The following FAM20C variants were observed in gnomAD, a reference collection of about 807,000 sequenced individuals.
FAM20C encodes extracellular serine/threonine protein kinase FAM20C.
A neutral mutation model predicts 51.5 loss-of-function variants in FAM20C; 40 were observed. The observed-to-expected ratio is 0.78, with a 90% CI of 0.60 to 1.01. The LOEUF (loss-of-function observed/expected upper bound fraction) is 1.01. Ranked by LOEUF, FAM20C falls within the 50% of genes least tolerant of loss-of-function variation. The pLI is 0.00. For synonymous variants in FAM20C, 406 were observed against 380.6 expected, an observed-to-expected ratio of 1.07 and a Z score of -0.78; for missense variants, 861 against 844.7, an observed-to-expected ratio of 1.02 and a Z score of -0.24.
chr7:214,964 T>G (rs28397017), intron 3 of FAM20C, among the ~76,000 whole-genome samples: 2,703 of 152,040 alleles, frequency 0.018, 78 homozygotes, highest in African/African-American at 0.063. Flanking sequence ...GGAACACAGA[T>G]GTGACTCAGA....
chr7:194,737 G>A (rs972478247), intron 1 of FAM20C, among the ~76,000 whole-genome samples: 5 of 152,020 alleles, frequency 3.3e-5, no homozygotes, highest in African/African-American at 4.8e-5. Context: ...AGAGACGGCC[G>A]CCCAGAGCAG....
At chr7:248,004 A>T (rs1374776733) in intron 4 of FAM20C, among the ~76,000 whole-genome samples, 3 of 152,216 alleles carry the variant, frequency 2.0e-5, no homozygotes, top group Non-Finnish European at 2.9e-5. Context: ...GGCTCCTTTA[A>T]TTTAATTTTG....
intron 8 of FAM20C, among the ~76,000 whole-genome samples, chr7:258,386 C>T (rs536789452): frequency 8.9e-6 from 1 of 112,432 alleles, no homozygotes; most frequent in African/African-American, 3.0e-5. Context: ...GCAGGGTGGA[C>T]CCACTGCCCG....
intron 3 of FAM20C, among the ~76,000 whole-genome samples, chr7:236,754 CG>C (rs1787859557): frequency 7.4e-5 from 11 of 148,970 alleles, no homozygotes; most frequent in Admixed American, 2.0e-4. Flanking sequence ...CGGTGGCTGT[CG>C]GGGTTTCATG....
At chr7:214,824 G>C (rs34339036) in intron 3 of FAM20C, among the ~76,000 whole-genome samples, 1 of 152,072 alleles carries the variant, frequency 6.6e-6, no homozygotes, top group Non-Finnish European at 1.5e-5. Flanking sequence ...TCCATCTTGC[G>C]TCTTGGAAAG....
At chr7:199,646 C>A (rs1006976838) in intron 2 of FAM20C, among the ~76,000 whole-genome samples, 2 of 152,192 alleles carry the variant, frequency 1.3e-5, no homozygotes, top group Non-Finnish European at 1.5e-5. Flanking sequence ...ATTCATGGAG[C>A]GCCACGTGGT....
intron 2 of FAM20C, among the ~76,000 whole-genome samples, chr7:204,931 G>A (rs926425743): frequency 6.6e-6 from 1 of 152,264 alleles, no homozygotes; most frequent in Non-Finnish European, 1.5e-5. Context: ...GAGGGGACGT[G>A]GCACTCTTGT....
At chr7:204,337 C>T (rs190129199) in intron 2 of FAM20C, among the ~76,000 whole-genome samples, 13 of 152,312 alleles carry the variant, frequency 8.5e-5, no homozygotes, top group African/African-American at 2.4e-4. Flanking sequence ...AAATGAGATT[C>T]GTTGCTGCTT....
At chr7:244,535 C>A (rs2115140546) in intron 3 of FAM20C, among the ~76,000 whole-genome samples, 1 of 152,362 alleles carries the variant, frequency 6.6e-6, no homozygotes, top group South Asian at 2.1e-4. Context: ...GGATCCCGGC[C>A]AGTCTGGGCC....
intron 3 of FAM20C, among the ~76,000 whole-genome samples, chr7:240,549 G>A (rs904108620): frequency 2.4e-4 from 36 of 152,172 alleles, no homozygotes; most frequent in African/African-American, 7.2e-4. Context: ...GATGGTGGTA[G>A]AGGTGACATT....
intron 3 of FAM20C, among the ~76,000 whole-genome samples, chr7:223,436 C>T (rs951044732): frequency 3.3e-5 from 5 of 152,200 alleles, no homozygotes; most frequent in South Asian, 2.1e-4. Flanking sequence ...CCAAGGAGCC[C>T]GTCTGTCTCG....
At chr7:203,200 C>T (rs901676303) in intron 2 of FAM20C, among the ~76,000 whole-genome samples, 2 of 152,194 alleles carry the variant, frequency 1.3e-5, no homozygotes, top group Non-Finnish European at 2.9e-5. Flanking sequence ...TGGGGTTGGG[C>T]AGGCTCTGAC....
intron 3 of FAM20C, among the ~76,000 whole-genome samples, chr7:234,003 T>C (rs1787775815): frequency 6.6e-6 from 1 of 152,196 alleles, no homozygotes; most frequent in Admixed American, 6.5e-5. Flanking sequence ...TCCTGGGAAC[T>C]GGTCCTGGGC....
intron 2 of FAM20C, among the ~76,000 whole-genome samples, chr7:195,980 C>T (rs147409497): frequency 4.9e-4 from 75 of 152,380 alleles, no homozygotes; most frequent in African/African-American, 1.6e-3. Flanking sequence ...CGGTCCACTG[C>T]GCTCTGCGTC....
In FAM20C at chr7:193,272, A is replaced by C. The variant is rs1406312163; in HGVS notation, c.73A>C (p.Ile25Leu). 2 of 1,461,856 alleles carry C rather than the reference A, an allele frequency of 1.4e-6. No homozygotes were observed. Among genetic ancestry groups the C allele is most frequent in the Non-Finnish European group, 1.8e-6 (2 of 1,103,490 alleles). The allele number at this position is 1,461,856 out of a possible 1,614,324, so 90.6% of individuals were successfully genotyped here. Reference sequence around the variant, plus strand: ...GTTCCTGGTGGCCTGCGCGCTGCACATCGCCCTGGACCTGCTGCCCAGGCT... The same window carrying C: ...GTTCCTGGTGGCCTGCGCGCTGCACCTCGCCCTGGACCTGCTGCCCAGGCT... Reference protein sequence around the residue: ...MVFLVACALHIALDLLPRLER... With the variant: ...MVFLVACALHLALDLLPRLER... The change falls in exon 1 of 10, where the codon ATC (isoleucine) becomes CTC (leucine). Residue 25 changes from isoleucine to leucine, a missense_variant. Around this residue, in one of 3 missense-constraint regions of FAM20C, gnomAD observed 561 missense variants for 499.8 expected, o/e 1.12. Transcript: ENST00000313766.
At chr7:257,852 CTGGGGTG>C (rs1562400994) in intron 8 of FAM20C, among the ~76,000 whole-genome samples, 2 of 121,122 alleles carry the variant, frequency 1.7e-5, no homozygotes, top group African/African-American at 6.9e-5. Context: ...GACCCACTGC[CTGGGGTG>C]CTGGAGATGG....
At chr7:231,733 T>TAA (rs1787697887) in intron 3 of FAM20C, among the ~76,000 whole-genome samples, 1 of 152,182 alleles carries the variant, frequency 6.6e-6, no homozygotes, top group Non-Finnish European at 1.5e-5. Flanking sequence ...CCTGGCGGTG[T>TAA]GTGCAGGCTT....
At position 192,735 on chromosome 7, in the gene FAM20C, C is replaced by G. The variant is rs1785617260; in HGVS notation, c.-465C>G. Among the ~76,000 whole-genome samples, 1 of 148,956 alleles carries G rather than the reference C, an allele frequency of 6.7e-6. No homozygotes were observed. Among genetic ancestry groups the G allele is most frequent in the Non-Finnish European group, 1.5e-5 (1 of 66,622 alleles). ...AGAGCAGAGCCCGGCCCGGAGGAGC[C>G]GCCCCTTCCCCGCCCGCCCGCCCGG... On this transcript the variant is annotated 5_prime_UTR_variant, in exon 1 of 10. Transcript: ENST00000313766.
intron 2 of FAM20C, among the ~76,000 whole-genome samples, chr7:206,527 C>G (rs1341804620): frequency 3.4e-5 from 5 of 148,462 alleles, no homozygotes; most frequent in South Asian, 2.2e-4. Context: ...GTCATGGTCC[C>G]CTCGGCCCTG....
Sources: gnomAD v4.1 joint callset for allele counts (sites outside exome capture counted in the v4.1 genomes callset) on GRCh38, gnomAD v4.1.1 for gene constraint, gnomAD v4.1.1 regional missense constraint, MANE v1.5 for transcripts, NCBI Gene and HGNC (gene_info 2026-07-23, HGNC 2026-07-21) for gene names.